TENM1: variants seen among roughly 807,000 people sequenced by gnomAD.
TENM1 encodes teneurin-1.
Under a neutral mutation model 174.8 loss-of-function variants are expected in TENM1, and 35 were observed. The ratio of observed to expected loss-of-function variants is 0.20; its 90% confidence interval spans 0.15 to 0.27. TENM1 has a LOEUF of 0.27. Ranked by LOEUF, TENM1 falls within the 10% of genes least tolerant of loss-of-function variation. The probability of loss-of-function intolerance (pLI) is 1.00; values close to 1 mark genes in which losing one functional copy is unlikely to be tolerated. For missense variants in TENM1, 1,633 were observed against 2,130.1 expected, an observed-to-expected ratio of 0.77 and a Z score of 4.59; for synonymous variants, 781 against 798.7, an observed-to-expected ratio of 0.98 and a Z score of 0.37.
chrX:124,477,532 T>C (rs2046754856), intron 22 of TENM1, among the ~76,000 whole-genome samples: 1 of 111,027 alleles, frequency 9.0e-6, no homozygotes, highest in Non-Finnish European at 1.9e-5. Flanking sequence ...GGTGGGCGGA[T>C]CACGAGGTCA....
chrX:124,496,696 T>G, intron 20 of TENM1, among the ~76,000 whole-genome samples: 1 of 111,890 alleles, frequency 8.9e-6, no homozygotes, highest in Non-Finnish European at 1.9e-5. Flanking sequence ...GTCTTCACAG[T>G]GGCTAGCAGT....
At chrX:124,421,507 C>T (rs1483127994) in intron 24 of TENM1, among the ~76,000 whole-genome samples, 1 of 111,396 alleles carries the variant, frequency 9.0e-6, no homozygotes, top group East Asian at 2.8e-4. Context: ...AATAGCACTG[C>T]GTGTAGTATG....
At chrX:124,849,753 A>C (rs932893313) in intron 3 of TENM1, among the ~76,000 whole-genome samples, 3 of 111,642 alleles carry the variant, frequency 2.7e-5, no homozygotes, top group African/African-American at 9.8e-5. Context: ...TAAGTCCTTA[A>C]GTTTGTGATA....
At chrX:124,964,230 T>C (rs2058697216), upstream of TENM1, among the ~76,000 whole-genome samples, 1 of 112,357 alleles carries the variant, frequency 8.9e-6, no homozygotes, top group Non-Finnish European at 1.9e-5. Flanking sequence ...AAATGAAAAC[T>C]GGTAAGAGAA....
the TENM1 span, among the ~76,000 whole-genome samples, chrX:125,071,311 G>A: frequency 9.0e-6 from 1 of 111,687 alleles, no homozygotes; most frequent in African/African-American, 3.3e-5. Flanking sequence ...GACTAAGCAA[G>A]CCTTTATGTT....
At chrX:125,166,505 A>G in the TENM1 span, among the ~76,000 whole-genome samples, 1 of 111,418 alleles carries the variant, frequency 9.0e-6, no homozygotes, top group African/African-American at 3.3e-5. Context: ...TTTAAGTGTA[A>G]AGTGAGATAC....
At chrX:124,705,938 G>T (rs962777969) in intron 4 of TENM1, among the ~76,000 whole-genome samples, 1 of 111,494 alleles carries the variant, frequency 9.0e-6, no homozygotes, top group Non-Finnish European at 1.9e-5. Flanking sequence ...ATGGAATCTC[G>T]CTCTGTCACC....
the TENM1 span, among the ~76,000 whole-genome samples, chrX:125,047,191 C>T: frequency 2.7e-5 from 3 of 111,225 alleles, no homozygotes; most frequent in African/African-American, 6.5e-5. Flanking sequence ...TAAACATTAG[C>T]GTATATGAGT....
At chrX:124,846,151 T>C (rs893508149) in intron 3 of TENM1, among the ~76,000 whole-genome samples, 2 of 110,025 alleles carry the variant, frequency 1.8e-5, no homozygotes, top group African/African-American at 6.6e-5. Flanking sequence ...AAGTAACCTT[T>C]AGTACTTTTG....
At chrX:124,922,062 T>C (rs1008585870) in intron 1 of TENM1, among the ~76,000 whole-genome samples, 6 of 111,349 alleles carry the variant, frequency 5.4e-5, no homozygotes, top group African/African-American at 2.0e-4. Context: ...TATTATTTAG[T>C]TTGAGTTTTT....
chrX:124,872,595 C>T (rs1034262219), intron 3 of TENM1, among the ~76,000 whole-genome samples: 11 of 112,158 alleles, frequency 9.8e-5, no homozygotes, highest in Admixed American at 1.9e-4. Context: ...TTCAGGGAAA[C>T]ACAATGATGT....
chrX:124,895,690 GATGAAA>G (rs1236012543), intron 2 of TENM1, among the ~76,000 whole-genome samples: 1 of 112,051 alleles, frequency 8.9e-6, no homozygotes, highest in Non-Finnish European at 1.9e-5. Flanking sequence ...GGAAAATAAA[GATGAAA>G]ATAAAAGGTG....
the TENM1 span, among the ~76,000 whole-genome samples, chrX:125,152,130 C>T: frequency 9.1e-6 from 1 of 109,866 alleles, no homozygotes; most frequent in East Asian, 2.9e-4. Flanking sequence ...TGGTGCACAC[C>T]TGTAATCCCA....
intron 8 of TENM1, among the ~76,000 whole-genome samples, chrX:124,650,981 T>C (rs865970814): frequency 8.9e-6 from 1 of 111,923 alleles, no homozygotes; most frequent in Middle Eastern, 4.6e-3. Context: ...AACATAATTG[T>C]TAAAAAGAGC....
intron 25 of TENM1, among the ~76,000 whole-genome samples, chrX:124,407,598 G>C (rs776332831): frequency 1.6e-4 from 18 of 112,289 alleles, no homozygotes; most frequent in African/African-American, 5.8e-4. Flanking sequence ...AACTCAGCCT[G>C]GGTAGTTGCT....
At chrX:124,729,790 T>C (rs1306779338) in intron 4 of TENM1, among the ~76,000 whole-genome samples, 1 of 112,238 alleles carries the variant, frequency 8.9e-6, no homozygotes, top group Admixed American at 9.4e-5. Flanking sequence ...CTCACAGGTA[T>C]GTATCGTCAA....
the TENM1 span, among the ~76,000 whole-genome samples, chrX:125,161,039 TA>T: frequency 6.6e-3 from 351 of 53,416 alleles, 1 homozygote; most frequent in African/African-American, 0.019. Flanking sequence ...GGCCAAAAAG[TA>T]AAAAAAAAAA....
chrX:125,156,680 T>G, the TENM1 span, among the ~76,000 whole-genome samples: 1 of 112,216 alleles, frequency 8.9e-6, no homozygotes, highest in Non-Finnish European at 1.9e-5. Context: ...CTAGGTTGAT[T>G]CTATGTCTTT....
At chrX:124,675,603 GT>G (rs775859622) in intron 5 of TENM1, among the ~76,000 whole-genome samples, 695 of 90,745 alleles carry the variant, frequency 7.7e-3, no homozygotes, top group African/African-American at 0.018. Context: ...ACCAGGCACT[GT>G]TTTTTTTTTT....
Sources: gnomAD v4.1 joint callset for allele counts (sites outside exome capture counted in the v4.1 genomes callset) on GRCh38, gnomAD v4.1.1 for gene constraint, MANE v1.5 for transcripts, NCBI Gene and HGNC (gene_info 2026-07-23, HGNC 2026-07-21) for gene names.